The following PLCL2 variants were observed in gnomAD, a reference collection of about 807,000 sequenced individuals.
The protein encoded by PLCL2 is phospholipase C like 2, also known as inactive phospholipase C-like protein 2.
In PLCL2, 4 loss-of-function variants were observed where a neutral mutation model predicts 79.6. The observed-to-expected ratio is 0.05, with a 90% CI of 0.02 to 0.11. The LOEUF is 0.11. PLCL2 is among the 10% of genes least tolerant of loss of function. PLCL2 has a pLI of 1.00. For missense variants in PLCL2, 895 were observed against 1,291.0 expected (o/e 0.69, Z 4.70); for synonymous variants, 484 against 457.7 (o/e 1.06, Z -0.73).
At chr3:16,959,546 TCTGA>T (rs1300846286) in intron 1 of PLCL2, among the ~76,000 whole-genome samples, 1 of 152,112 alleles carries the variant, frequency 6.6e-6, no homozygotes, top group African/African-American at 2.4e-5. Context: ...TTTCCTTCTC[TCTGA>T]CTGCGTGCAT....
intron 1 of PLCL2, among the ~76,000 whole-genome samples, chr3:16,977,114 G>GCACA (rs140307662): frequency 4.1e-4 from 62 of 149,886 alleles, no homozygotes; most frequent in African/African-American, 1.1e-3. Flanking sequence ...CATTGAATAC[G>GCACA]CACACACACA....
chr3:17,056,037 C>A (rs1427902625), intron 4 of PLCL2, among the ~76,000 whole-genome samples: 1 of 152,148 alleles, frequency 6.6e-6, no homozygotes, highest in Non-Finnish European at 1.5e-5. Flanking sequence ...TCTCTTGTCA[C>A]ATCTTCCTCC....
intron 1 of PLCL2, among the ~76,000 whole-genome samples, chr3:16,996,639 G>A (rs2064156113): frequency 6.6e-6 from 1 of 151,958 alleles, no homozygotes; most frequent in African/African-American, 2.4e-5. Context: ...TGAGGAAAGA[G>A]CTGAAAAAGA....
At chr3:17,054,903 T>C (rs2064878139) in intron 4 of PLCL2, among the ~76,000 whole-genome samples, 1 of 152,128 alleles carries the variant, frequency 6.6e-6, no homozygotes, top group South Asian at 2.1e-4. Flanking sequence ...GCTGTGTGAC[T>C]TTAGTTTAGT....
rs149890604 is a variant in PLCL2, at chr3:17,012,092, G to A, written c.2746G>A (p.Val916Met). 7.4e-6 allele frequency: 12 copies of A among 1,614,068 alleles called. No individual in the cohort carries two copies. Among genetic ancestry groups the A allele is most frequent in the African/African-American group, 2.7e-5 (2 of 74,938 alleles). The change falls in exon 2 of 6, where the codon GTG (valine) becomes ATG (methionine). Residue 916 changes from valine to methionine, a missense_variant. Around this residue, in one of 6 missense-constraint regions of PLCL2, gnomAD observed 298 missense variants for 459.6 expected, o/e 0.65. Coordinates refer to ENST00000615277, the MANE Select transcript of PLCL2 (RefSeq NM_001144382.2). ...TTTGAGAACACTGTGGATTAAAACC[G>A]TGGATGAGGTATTCAAGAATGCCCA... Reference protein sequence around the residue: ...ASLRTLWIKTVDEVFKNAQPP... With the variant: ...ASLRTLWIKTMDEVFKNAQPP...
At chr3:16,902,720 A>C (rs1369822200) in intron 1 of PLCL2, among the ~76,000 whole-genome samples, 1 of 151,592 alleles carries the variant, frequency 6.6e-6, no homozygotes, top group African/African-American at 2.4e-5. Context: ...CCAGCTACTC[A>C]GGAGGCTGAG....
intron 3 of PLCL2, among the ~76,000 whole-genome samples, chr3:17,042,179 A>G (rs1168305744): frequency 6.6e-6 from 1 of 152,204 alleles, no homozygotes; most frequent in African/African-American, 2.4e-5. Context: ...TTTTAGAGCC[A>G]ACAAGATTAC....
chr3:16,905,255 AT>A (rs1336420050), intron 1 of PLCL2, among the ~76,000 whole-genome samples: 1 of 151,870 alleles, frequency 6.6e-6, no homozygotes, highest in African/African-American at 2.4e-5. Context: ...GTTTTGGGGG[AT>A]TTTCACACTT....
At chr3:16,999,704 A>G (rs1331223974) in intron 1 of PLCL2, among the ~76,000 whole-genome samples, 1 of 152,176 alleles carries the variant, frequency 6.6e-6, no homozygotes, top group Non-Finnish European at 1.5e-5. Flanking sequence ...TAAACTATTG[A>G]ATTATTTTGT....
chr3:17,082,138 A>AATT (rs2065168143), intron 5 of PLCL2, among the ~76,000 whole-genome samples: 1 of 88,328 alleles, frequency 1.1e-5, no homozygotes, highest in African/African-American at 4.6e-5. Flanking sequence ...CCTCTTTCAG[A>AATT]GTTTTTTTTT....
chr3:16,958,737 C>T (rs1219235851), intron 1 of PLCL2, among the ~76,000 whole-genome samples: 3 of 152,166 alleles, frequency 2.0e-5, no homozygotes, highest in African/African-American at 7.2e-5. Flanking sequence ...CACCTGGAAG[C>T]TCTACATTGG....
chr3:16,991,793 T>C (rs1410824510), intron 1 of PLCL2, among the ~76,000 whole-genome samples: 4 of 152,230 alleles, frequency 2.6e-5, no homozygotes, highest in Non-Finnish European at 5.9e-5. Context: ...AATAAATTTA[T>C]AATTGGAATA....
chr3:17,011,370 T>G lies in PLCL2; in HGVS notation c.2024T>G (p.Val675Gly), dbSNP rs2124889357. ...TACAACAAACGTTTTCTTGCTAGGG[T>G]TTTTCCCAGTCCAATGAGAATTGAT... The part of the protein sequence containing the change: ...VNYNKRFLAR[V>G]FPSPMRIDSS... Residue 675 changes from valine to glycine, a missense_variant, in exon 2 of 6, where the codon GTT becomes GGT. This residue lies in a region of PLCL2 where 242 missense variants were observed against 399.5 expected (regional missense o/e 0.61). Transcript: ENST00000615277. This position sits in a 1 kb window ranked among gnomAD's most constrained non-coding sequence, Gnocchi z 7.9. 1 of 1,614,026 alleles carries G rather than the reference T, an allele frequency of 6.2e-7. No individual in the cohort carries two copies. Among genetic ancestry groups the G allele is most frequent in the Middle Eastern group, 1.7e-4 (1 of 6,060 alleles).
rs1305863803 is a variant in PLCL2 at position 16,979,342 on chromosome 3, TTC to T, written c.328-30330_328-30329del. 4.7e-4 allele frequency among the ~76,000 whole-genome samples: 30 copies of T among 64,430 alleles called. No individual in the cohort carries two copies. In the South Asian group the frequency reaches 0.016, roughly 34 times the overall value. The allele number at this position is 64,430 out of a possible 152,430, so 42.3% of individuals were successfully genotyped here. ...GAAAAGTAAAGTTTATCAAATCACT[TTC>T]TTTTTTTTTTTTTTTAATCATTCTT... On this transcript the variant is annotated intron_variant, in intron 1 of 5. Coordinates refer to ENST00000615277, the MANE Select transcript of PLCL2 (RefSeq NM_001144382.2).
chr3:16,972,054 C>G (rs924295823), intron 1 of PLCL2, among the ~76,000 whole-genome samples: 5 of 151,874 alleles, frequency 3.3e-5, no homozygotes, highest in Non-Finnish European at 7.4e-5. Flanking sequence ...CTATCTATGA[C>G]ATACCCACAG....
chr3:16,975,414 T>G (rs1008820103), intron 1 of PLCL2, among the ~76,000 whole-genome samples: 1 of 152,194 alleles, frequency 6.6e-6, no homozygotes, highest in African/African-American at 2.4e-5. Context: ...AAATATCTAG[T>G]GTAGAGCATA....
intron 1 of PLCL2, among the ~76,000 whole-genome samples, chr3:16,930,496 T>C (rs562810205): frequency 2.9e-4 from 44 of 152,350 alleles, no homozygotes; most frequent in African/African-American, 8.7e-4. Context: ...ATCTCTGTTT[T>C]GATCAGAACT....
chr3:16,933,535 T>C (rs760958327), intron 1 of PLCL2, among the ~76,000 whole-genome samples: 4 of 152,204 alleles, frequency 2.6e-5, no homozygotes, highest in Admixed American at 6.5e-5. Context: ...TCCAGAGAGA[T>C]ATTTGACTCA....
chr3:16,942,803 A>T (rs2063564021), intron 1 of PLCL2, among the ~76,000 whole-genome samples: 1 of 152,246 alleles, frequency 6.6e-6, no homozygotes, highest in Non-Finnish European at 1.5e-5. Flanking sequence ...AAGAGAAATT[A>T]GTTATCAAAT....
Sources: allele counts gnomAD v4.1 joint callset (sites outside exome capture counted in the v4.1 genomes callset), GRCh38; gene constraint gnomAD v4.1.1; regional missense constraint gnomAD v4.1.1; non-coding constraint Gnocchi (gnomAD v3.1); transcripts MANE v1.5; gene names NCBI Gene and HGNC (gene_info 2026-07-23, HGNC 2026-07-21).